The following FOXP1 variants were observed in gnomAD, a reference collection of about 807,000 sequenced individuals.
The protein encoded by FOXP1 is forkhead box P1.
FOXP1 carries 15 observed loss-of-function variants against 98.2 expected under a neutral mutation model. The ratio of observed to expected loss-of-function variants is 0.15; its 90% CI spans 0.10 to 0.24. FOXP1 has a LOEUF of 0.24. Ranked by LOEUF, FOXP1 falls within the 10% of genes least tolerant of loss-of-function variation. The probability of loss-of-function intolerance (pLI) is 1.00; values close to 1 mark genes in which losing one functional copy is unlikely to be tolerated. For missense variants in FOXP1, 633 were observed against 848.5 expected (o/e 0.75, Z 3.15); for synonymous variants, 371 against 314.5 (o/e 1.18, Z -1.90).
At chr3:71,404,039 G>A (rs1440533258) in intron 3 of FOXP1, among the ~76,000 whole-genome samples, 5 of 151,044 alleles carry the variant, frequency 3.3e-5, no homozygotes, top group Admixed American at 6.6e-5. Context: ...GAGATATGGC[G>A]ATGGCCTACA....
chr3:71,456,138 G>A (rs951332109), intron 3 of FOXP1, among the ~76,000 whole-genome samples: 1 of 152,120 alleles, frequency 6.6e-6, no homozygotes, highest in Non-Finnish European at 1.5e-5. Flanking sequence ...AAGTATTTGA[G>A]GGAGGTAGCA....
At chr3:71,172,549 T>G (rs551377494) in intron 6 of FOXP1, among the ~76,000 whole-genome samples, 9 of 152,286 alleles carry the variant, frequency 5.9e-5, no homozygotes, top group Admixed American at 1.3e-4. Flanking sequence ...GCAGGGCAGT[T>G]ATTATTAACC....
chr3:71,471,438 T>C (rs2089337243), intron 3 of FOXP1, among the ~76,000 whole-genome samples: 1 of 152,176 alleles, frequency 6.6e-6, no homozygotes, highest in African/African-American at 2.4e-5. Context: ...ATTTTTCTAC[T>C]GTACCCAATA....
rs200162733 is a variant in FOXP1 at position 71,002,559 on chromosome 3, A to C, written c.975-1500T>G. ...AATATTTTACAACTTGCTTTTAAAGAAGCATGTTGTAATTGAGAAAATGGC... is the reference window on the plus strand; with the variant it reads ...AATATTTTACAACTTGCTTTTAAAGCAGCATGTTGTAATTGAGAAAATGGC... On this transcript the variant is annotated intron_variant, in intron 12 of 20. Coordinates refer to ENST00000649528, the MANE Select transcript of FOXP1 (RefSeq NM_001349338.3). Among the ~76,000 whole-genome samples, 16 of 152,350 alleles carry C rather than the reference A, an allele frequency of 1.1e-4. No individual in the cohort carries two copies. The East Asian group carries it at 2.3e-3, about 22-fold the overall frequency.
intron 7 of FOXP1, among the ~76,000 whole-genome samples, chr3:71,100,334 C>T (rs770446445): frequency 1.3e-5 from 2 of 152,224 alleles, no homozygotes; most frequent in Non-Finnish European, 2.9e-5. Context: ...ATAACAATCC[C>T]TTTACGCTCT....
At chr3:71,546,724 G>T (rs949731368) in intron 2 of FOXP1, among the ~76,000 whole-genome samples, 11 of 151,922 alleles carry the variant, frequency 7.2e-5, no homozygotes, top group Admixed American at 7.2e-4. Flanking sequence ...TCATTTCTAA[G>T]AGGCTCCTGG....
At chr3:71,437,773 G>A (rs2085502269) in intron 3 of FOXP1, among the ~76,000 whole-genome samples, 1 of 152,198 alleles carries the variant, frequency 6.6e-6, no homozygotes, top group Admixed American at 6.5e-5. Flanking sequence ...GGAATTAAGA[G>A]CCTGTTCCTC....
chr3:71,559,971 C>T (rs2046414642), intron 2 of FOXP1, among the ~76,000 whole-genome samples: 1 of 152,104 alleles, frequency 6.6e-6, no homozygotes, highest in South Asian at 2.1e-4. Context: ...GAACATAAAC[C>T]TAGATCTGCT....
At chr3:71,093,519 A>G (rs1166434333) in intron 7 of FOXP1, among the ~76,000 whole-genome samples, 1 of 143,568 alleles carries the variant, frequency 7.0e-6, no homozygotes, top group African/African-American at 2.5e-5. Context: ...AGAACTTGAA[A>G]TGTGGCTAGT....
chr3:71,222,916 A>G (rs2065510461), intron 5 of FOXP1, among the ~76,000 whole-genome samples: 1 of 152,226 alleles, frequency 6.6e-6, no homozygotes, highest in South Asian at 2.1e-4. Flanking sequence ...GATCAGGGAA[A>G]GGTCACTGTC....
chr3:71,425,083 C>T (rs1176009311), intron 3 of FOXP1, among the ~76,000 whole-genome samples: 1 of 150,730 alleles, frequency 6.6e-6, no homozygotes, highest in Admixed American at 6.6e-5. Flanking sequence ...TACAAGGTGT[C>T]TTCATTTTCC....
chr3:71,310,704 G>A (rs185578739), intron 4 of FOXP1, among the ~76,000 whole-genome samples: 1 of 152,336 alleles, frequency 6.6e-6, no homozygotes, highest in African/African-American at 2.4e-5. Flanking sequence ...AGAGTCCCCT[G>A]GTTTGGACAG....
intron 20 of FOXP1, among the ~76,000 whole-genome samples, chr3:70,960,965 CTGAG>C (rs1251328440): frequency 2.6e-5 from 4 of 151,502 alleles, no homozygotes; most frequent in Non-Finnish European, 4.4e-5. Context: ...CCTCAGCCTC[CTGAG>C]TAAGCTGGGA....
At chr3:71,199,001 T>C (rs539204911) in intron 5 of FOXP1, among the ~76,000 whole-genome samples, 1 of 152,180 alleles carries the variant, frequency 6.6e-6, no homozygotes, top group East Asian at 1.9e-4. Flanking sequence ...AGATTAAATT[T>C]TTCTTCTATC....
At chr3:71,062,687 T>C (rs534078689) in intron 7 of FOXP1, among the ~76,000 whole-genome samples, 1 of 152,312 alleles carries the variant, frequency 6.6e-6, no homozygotes, top group African/African-American at 2.4e-5. Flanking sequence ...ATAATTGACA[T>C]GTTATACCTC....
At chr3:71,243,350 G>C (rs2067448899) in intron 5 of FOXP1, among the ~76,000 whole-genome samples, 2 of 152,312 alleles carry the variant, frequency 1.3e-5, no homozygotes, top group South Asian at 4.1e-4. Context: ...TGCATGCACA[G>C]AGATGATCCG....
At chr3:71,426,130 G>A (rs1237571265) in intron 3 of FOXP1, among the ~76,000 whole-genome samples, 24 of 152,318 alleles carry the variant, frequency 1.6e-4, no homozygotes, top group Non-Finnish European at 4.4e-5. Context: ...CTTGACCTAA[G>A]AGCTAGAAAA....
At chr3:71,118,848 T>A (rs1249561952) in intron 6 of FOXP1, among the ~76,000 whole-genome samples, 1 of 152,218 alleles carries the variant, frequency 6.6e-6, no homozygotes, top group Non-Finnish European at 1.5e-5. Context: ...TTAAGCTCAT[T>A]CCCTTATATA....
At chr3:71,095,556 A>G (rs998718357) in intron 7 of FOXP1, among the ~76,000 whole-genome samples, 1 of 152,172 alleles carries the variant, frequency 6.6e-6, no homozygotes, top group African/African-American at 2.4e-5. Flanking sequence ...CAGAATGAGC[A>G]AAGAAGGTAT....
Sources: allele counts gnomAD v4.1 joint callset (sites outside exome capture counted in the v4.1 genomes callset), GRCh38; gene constraint gnomAD v4.1.1; transcripts MANE v1.5; gene names NCBI Gene and HGNC (gene_info 2026-07-23, HGNC 2026-07-21).